Variants in PNPT1 observed in about 807,000 individuals in gnomAD.
The protein encoded by PNPT1 is polyribonucleotide nucleotidyltransferase 1, also known as polyribonucleotide nucleotidyltransferase 1, mitochondrial.
In PNPT1, 53 loss-of-function variants were observed where a neutral mutation model predicts 119.5. That is an observed-to-expected ratio of 0.44 (90% CI 0.36 to 0.56). The LOEUF (loss-of-function observed/expected upper bound fraction) is 0.56. Among genes scored for constraint, PNPT1 ranks in the 20% least tolerant of loss-of-function variants. The pLI is 0.00. For synonymous variants in PNPT1, 357 were observed against 322.1 expected (o/e 1.11, Z -1.16); for missense variants, 948 against 938.5 (o/e 1.01, Z -0.13).
intron 1 of PNPT1, among the ~76,000 whole-genome samples, chr2:55,690,872 A>G (rs1697575931): frequency 6.6e-6 from 1 of 152,220 alleles, no homozygotes; most frequent in African/African-American, 2.4e-5. Flanking sequence ...GGAATGAGAT[A>G]CTCAAAACCA....
At chr2:55,687,742 G>C (rs1288845303) in intron 1 of PNPT1, 37 bp from the exon 2 acceptor site, 16 of 1,476,182 alleles carry the variant, frequency 1.1e-5, no homozygotes, top group Non-Finnish European at 1.4e-5. Context: ...AGAAGACTTA[G>C]GTCATCTGTA....
At chr2:55,692,614 T>C (rs1697652017) in intron 1 of PNPT1, among the ~76,000 whole-genome samples, 1 of 152,222 alleles carries the variant, frequency 6.6e-6, no homozygotes, top group African/African-American at 2.4e-5. Flanking sequence ...AACTTTTTTA[T>C]AGACTCTTAG....
At chr2:55,685,428 T>C (rs528757044) in intron 3 of PNPT1, among the ~76,000 whole-genome samples, 2 of 152,170 alleles carry the variant, frequency 1.3e-5, no homozygotes, top group East Asian at 3.9e-4. Context: ...CTCAGAAGGC[T>C]GAGGTGGGAG....
intron 11 of PNPT1, among the ~76,000 whole-genome samples, chr2:55,668,519 T>C (rs1381961934): frequency 6.6e-6 from 1 of 152,162 alleles, no homozygotes; most frequent in Non-Finnish European, 1.5e-5. Context: ...ATTACAGGCG[T>C]GAGCCAATGC....
At chr2:55,643,284 C>G (rs901948376) in intron 24 of PNPT1, 35 bp downstream of exon 24, 1 of 1,611,966 alleles carries the variant, frequency 6.2e-7, no homozygotes, top group African/African-American at 1.3e-5. Context: ...ACAAATATAG[C>G]TATATGATAC....
At chr2:55,661,854 C>A (rs1480201993) in intron 14 of PNPT1, 102 bp downstream of exon 14, 3 of 1,113,200 alleles carry the variant, frequency 2.7e-6, no homozygotes, top group African/African-American at 1.7e-5. Context: ...TACAAAAACA[C>A]AGGTTAAAAA....
At chr2:55,649,368 G>T (rs1696102340) in intron 18 of PNPT1, among the ~76,000 whole-genome samples, 1 of 152,148 alleles carries the variant, frequency 6.6e-6, no homozygotes, top group South Asian at 2.1e-4. Context: ...TTCTTTGGTT[G>T]AAAGCAACTA....
chr2:55,651,899 A>AAAC, intron 18 of PNPT1, among the ~76,000 whole-genome samples: 1 of 151,410 alleles, frequency 6.6e-6, no homozygotes, highest in South Asian at 2.1e-4. Context: ...AAAAAAAAAA[A>AAAC]AAAAACAATA....
intron 27 of PNPT1, among the ~76,000 whole-genome samples, chr2:55,636,951 C>T (rs886241025): frequency 1.3e-5 from 2 of 152,160 alleles, no homozygotes; most frequent in African/African-American, 2.4e-5. Context: ...CACTCATCTT[C>T]CCCTGGAGGC....
At chr2:55,637,477 C>T in intron 27 of PNPT1, 75 bp downstream of exon 27, 1 of 1,382,462 alleles carries the variant, frequency 7.2e-7, no homozygotes, top group Non-Finnish European at 1.0e-6. Flanking sequence ...ACTCTTCTTT[C>T]AACTTTTTGA....
chr2:55,650,730 G>A (rs1402914799), intron 18 of PNPT1, among the ~76,000 whole-genome samples: 1 of 151,242 alleles, frequency 6.6e-6, no homozygotes, highest in African/African-American at 2.4e-5. Context: ...CGTCTGAGAA[G>A]TGAGGAGACC....
At chr2:55,671,184 T>G (rs546808903) in intron 11 of PNPT1, 135 bp downstream of exon 11, 1 of 454,034 alleles carries the variant, frequency 2.2e-6, no homozygotes, top group Non-Finnish European at 3.9e-6. Flanking sequence ...AAGTTGAAAG[T>G]CCTTTGAATT....
At chr2:55,655,062 A>G in intron 17 of PNPT1, 109 bp from the exon 18 acceptor site, 2 of 1,069,114 alleles carry the variant, frequency 1.9e-6, no homozygotes, top group Admixed American at 4.6e-5. Flanking sequence ...CAAATATTCA[A>G]TAGTCTCTTC....
chr2:55,685,438 G>C (rs1054222192), intron 3 of PNPT1, among the ~76,000 whole-genome samples: 2 of 152,092 alleles, frequency 1.3e-5, no homozygotes, highest in Non-Finnish European at 2.9e-5. Context: ...TGAGGTGGGA[G>C]GATTGCTTAA....
rs574289158 is a variant in PNPT1 at position 55,688,508 on chromosome 2, C to T, written c.162-803G>A. On this transcript the variant is annotated intron_variant, in intron 1 of 27. Coordinates refer to ENST00000447944, the MANE Select transcript of PNPT1 (RefSeq NM_033109.5). ...AAAGGCTGAGGCAGGCCTGATCACCCGAGGTCAGGAGTTCAAGACCAGCCT... is the reference window on the plus strand; with the variant it reads ...AAAGGCTGAGGCAGGCCTGATCACCTGAGGTCAGGAGTTCAAGACCAGCCT... 6.6e-5 allele frequency among the ~76,000 whole-genome samples: 10 copies of T among 152,076 alleles called. No homozygotes were observed. The East Asian group carries it at 7.7e-4, about 12-fold the overall frequency.
rs753405022 is a variant in PNPT1 at position 55,687,625 on chromosome 2, T to C, written c.222+20A>G. 21 of 1,551,050 alleles carry C rather than the reference T, an allele frequency of 1.4e-5. No individual in the cohort carries two copies. The highest frequency in any genetic ancestry group is 1.7e-5 in the Non-Finnish European group (20 of 1,150,340). ...CCGTAACCATTTTTAAGATGAATTT[T>C]AAAAATCTGGACTTTTTACCTGTAC... On this transcript the variant is annotated intron_variant, in intron 2 of 27. Transcript: ENST00000447944.
At chr2:55,691,751 T>C (rs1433727010) in intron 1 of PNPT1, among the ~76,000 whole-genome samples, 1 of 151,234 alleles carries the variant, frequency 6.6e-6, no homozygotes, top group Non-Finnish European at 1.5e-5. Context: ...AATTAATGAA[T>C]GCTGGGAGTG....
chr2:55,645,600 C>T (rs1011075551), intron 21 of PNPT1, among the ~76,000 whole-genome samples, 168 bp from the exon 22 acceptor site: 3 of 152,212 alleles, frequency 2.0e-5, no homozygotes, highest in African/African-American at 7.2e-5. Flanking sequence ...TCCAAAAATC[C>T]CATCTTAAAT....
rs747283643 is a variant in PNPT1, at chr2:55,660,189, T to C, written c.1252A>G (p.Ile418Val). 2 of 1,589,894 alleles carry C rather than the reference T, an allele frequency of 1.3e-6. No individual in the cohort carries two copies. The highest frequency in any genetic ancestry group is 1.8e-5 in the Admixed American group (1 of 56,742). ...SDQVITAING[I>V]KDKNFMLHYE... Reference sequence around the variant, plus strand: ...TGCAGCATGAAATTTTTATCTTTTATCCCACTAAAAATAAAAGGCATAATA... The same window carrying C: ...TGCAGCATGAAATTTTTATCTTTTACCCCACTAAAAATAAAAGGCATAATA... The change falls in exon 15 of 28, where the codon ATA becomes GTA. Residue 418 changes from isoleucine to valine, a missense_variant. By Grantham distance (29) the Ile-to-Val change is conservative. Transcript: ENST00000447944.
Sources: allele counts gnomAD v4.1 joint callset (sites outside exome capture counted in the v4.1 genomes callset), GRCh38; gene constraint gnomAD v4.1.1; transcripts MANE v1.5; gene names NCBI Gene and HGNC (gene_info 2026-07-23, HGNC 2026-07-21).